The following ATG5 variants were observed in gnomAD, a reference collection of about 807,000 sequenced individuals.
ATG5 encodes the protein autophagy related 5.
Under a neutral mutation model 36.5 loss-of-function variants are expected in ATG5, and 14 were observed. The observed-to-expected ratio is 0.38, with a 90% CI of 0.25 to 0.60. The LOEUF (loss-of-function observed/expected upper bound fraction) is 0.60, where lower values mean the gene tolerates loss of function less well. Ranked by LOEUF, ATG5 falls within the 20% of genes least tolerant of loss-of-function variation. ATG5 has a pLI of 0.60. For missense variants in ATG5, 195 were observed against 326.7 expected (o/e 0.60, Z 3.11); for synonymous variants, 95 against 101.5 (o/e 0.94, Z 0.38).
chr6:106,306,243 A>G (rs1291562778), intron 3 of ATG5, among the ~76,000 whole-genome samples: 1 of 152,236 alleles, frequency 6.6e-6, no homozygotes, highest in Non-Finnish European at 1.5e-5. Context: ...ACAAGGAGAA[A>G]TGGGTCCAAA....
intron 6 of ATG5, among the ~76,000 whole-genome samples, chr6:106,217,928 T>C (rs1777100607): frequency 6.6e-6 from 1 of 152,220 alleles, no homozygotes; most frequent in Non-Finnish European, 1.5e-5. Flanking sequence ...ATTATATGCT[T>C]ATTTTCCACA....
chr6:106,268,300 G>C (rs1310677222), intron 5 of ATG5, among the ~76,000 whole-genome samples: 1 of 152,180 alleles, frequency 6.6e-6, no homozygotes, highest in African/African-American at 2.4e-5. Context: ...CTGATCATTA[G>C]AGAAATGCAA....
In ATG5 at chr6:106,307,453, A is replaced by T. The variant is rs908627197; in HGVS notation, c.236+911T>A. On this transcript the variant is annotated intron_variant, in intron 3 of 7. Transcript: ENST00000369076. The stretch of plus-strand genomic sequence containing the variant: ...AAATATTTTTGGAAGCACAATGAAC[A>T]AAACTCCCAATAACAGAGGAAGCAC... Among the ~76,000 whole-genome samples, 8 of 152,134 alleles carry T rather than the reference A, an allele frequency of 5.3e-5. No individual in the cohort carries two copies. The East Asian group carries it at 1.5e-3, about 29-fold the overall frequency.
intron 5 of ATG5, among the ~76,000 whole-genome samples, chr6:106,272,890 G>A (rs1048854051): frequency 6.6e-6 from 1 of 152,120 alleles, no homozygotes. Context: ...TGTGGCAATG[G>A]AAGAAAGAAA....
chr6:106,236,595 C>T (rs2743559), intron 6 of ATG5, among the ~76,000 whole-genome samples: 92,383 of 152,066 alleles, frequency 0.61, 29,478 homozygotes, highest in African/African-American at 0.81. Flanking sequence ...GTAACAATAT[C>T]GTGTATCTTT....
chr6:106,257,116 T>C lies in ATG5; in HGVS notation c.479-8872A>G, dbSNP rs183576792. On this transcript the variant is annotated intron_variant, in intron 5 of 7. Coordinates refer to ENST00000369076, the MANE Select transcript of ATG5 (RefSeq NM_004849.4). ...AGCCTAGGCCTACAAAGTGGGAGGA[T>C]CATCAATATCACTGTCTTCCACCTC... 3.9e-5 allele frequency among the ~76,000 whole-genome samples: 6 copies of C among 152,228 alleles called. No individual in the cohort carries two copies. The East Asian group carries it at 7.7e-4, about 20-fold the overall frequency.
At chr6:106,312,985 G>T (rs933902131) in intron 2 of ATG5, among the ~76,000 whole-genome samples, 1 of 152,168 alleles carries the variant, frequency 6.6e-6, no homozygotes, top group Non-Finnish European at 1.5e-5. Context: ...TCAACAGAAG[G>T]TTGTTGTTTC....
chr6:106,246,124 TGAGATA>T (rs1229970121), intron 6 of ATG5, among the ~76,000 whole-genome samples: 1 of 152,162 alleles, frequency 6.6e-6, no homozygotes, highest in Non-Finnish European at 1.5e-5. Flanking sequence ...AAAATGGAAC[TGAGATA>T]AAGCCAAAAG....
chr6:106,260,350 A>C (rs1483862574), intron 5 of ATG5, among the ~76,000 whole-genome samples: 3 of 152,228 alleles, frequency 2.0e-5, no homozygotes, highest in Non-Finnish European at 2.9e-5. Flanking sequence ...ATGAAAATTA[A>C]CTCCAATTTG....
chr6:106,188,971 C>T (rs1775873425), intron 7 of ATG5, among the ~76,000 whole-genome samples: 1 of 152,210 alleles, frequency 6.6e-6, no homozygotes, highest in African/African-American at 2.4e-5. Context: ...TAGAATAGGG[C>T]AGCAGAAACT....
In ATG5 at chr6:106,307,545, T is replaced by G. The variant is rs1001053024; in HGVS notation, c.236+819A>C. Among the ~76,000 whole-genome samples, 4 of 150,442 alleles carry G rather than the reference T, an allele frequency of 2.7e-5. No individual in the cohort carries two copies. The Middle Eastern group carries it at 0.01, about 389-fold the overall frequency. ...TTTGATTTCAATACCCTTTTTTTTTTTTTTTTTTTTTGAGACAGAGTTTCA... is the reference window on the plus strand; with the variant it reads ...TTTGATTTCAATACCCTTTTTTTTTGTTTTTTTTTTTGAGACAGAGTTTCA... On this transcript the variant is annotated intron_variant, in intron 3 of 7. Transcript: ENST00000369076.
intron 3 of ATG5, among the ~76,000 whole-genome samples, chr6:106,299,909 G>A (rs77208157): frequency 0.021 from 3,180 of 152,238 alleles, 100 homozygotes; most frequent in African/African-American, 0.073. Flanking sequence ...CACTGGAAAC[G>A]GGATTACATT....
chr6:106,224,994 G>A (rs1280202635), intron 6 of ATG5, among the ~76,000 whole-genome samples: 1 of 152,172 alleles, frequency 6.6e-6, no homozygotes, highest in Non-Finnish European at 1.5e-5. Context: ...CAGGAGGCAT[G>A]ACAAGCCATC....
At chr6:106,279,608 C>G in intron 5 of ATG5, 53 bp downstream of exon 5, 1 of 1,336,414 alleles carries the variant, frequency 7.5e-7, no homozygotes, top group East Asian at 2.6e-5. Context: ...AGGGTTATGG[C>G]TGTATCATAT....
chr6:106,214,889 T>C (rs560891424), intron 6 of ATG5, among the ~76,000 whole-genome samples: 4 of 152,178 alleles, frequency 2.6e-5, no homozygotes, highest in Non-Finnish European at 4.4e-5. Flanking sequence ...AAGCTTCATA[T>C]AAAAGTGCTA....
intron 5 of ATG5, among the ~76,000 whole-genome samples, chr6:106,255,849 A>G (rs1454246238): frequency 6.6e-6 from 1 of 152,212 alleles, no homozygotes; most frequent in East Asian, 1.9e-4. Context: ...GCACAGTGGT[A>G]GGCCAGGACT....
intron 5 of ATG5, among the ~76,000 whole-genome samples, chr6:106,251,679 G>A (rs1562237672): frequency 7.5e-6 from 1 of 132,824 alleles, no homozygotes; most frequent in Non-Finnish European, 1.6e-5. Flanking sequence ...GGGAGGGGGA[G>A]AGAAAGAAAG....
chr6:106,269,264 C>T (rs942257836), intron 5 of ATG5, among the ~76,000 whole-genome samples: 2 of 152,108 alleles, frequency 1.3e-5, no homozygotes, highest in African/African-American at 4.8e-5. Flanking sequence ...AAACCTTGAG[C>T]TAGATACAGA....
At chr6:106,302,197 A>T (rs1770241366) in intron 3 of ATG5, among the ~76,000 whole-genome samples, 1 of 152,084 alleles carries the variant, frequency 6.6e-6, no homozygotes, top group African/African-American at 2.4e-5. Flanking sequence ...AATTACAACC[A>T]AAACAAAGGA....
Sources: gnomAD v4.1 joint callset for allele counts (sites outside exome capture counted in the v4.1 genomes callset) on GRCh38, gnomAD v4.1.1 for gene constraint, MANE v1.5 for transcripts, NCBI Gene and HGNC (gene_info 2026-07-23, HGNC 2026-07-21) for gene names.